Variants in CASK observed in about 807,000 individuals in gnomAD.
CASK encodes the protein peripheral plasma membrane protein CASK.
In CASK, 4 loss-of-function variants were observed where a neutral mutation model predicts 82.9. That is an observed-to-expected ratio of 0.05 (90% CI 0.02 to 0.11). The LOEUF (loss-of-function observed/expected upper bound fraction) is 0.11. Among genes scored for constraint, CASK ranks in the 10% least tolerant of loss-of-function variants. The pLI, the probability that CASK is intolerant of heterozygous loss-of-function variation, is 1.00. For synonymous variants in CASK, 259 were observed against 253.5 expected (o/e 1.02, Z -0.20); for missense variants, 358 against 720.9 (o/e 0.50, Z 5.76).
intron 2 of CASK, among the ~76,000 whole-genome samples, chrX:41,834,389 G>A (rs1021819751): frequency 1.8e-5 from 2 of 111,998 alleles, no homozygotes; most frequent in African/African-American, 3.3e-5. Context: ...TCAACTTTAC[G>A]AAGAGTATAT....
intron 14 of CASK, chrX:41,585,540 T>C (rs1202272499): frequency 9.2e-6 from 1 of 108,572 alleles, no homozygotes; most frequent in East Asian, 3.0e-4. Context: ...GGTCAGGAGA[T>C]CAAGACTATC....
intron 1 of CASK, among the ~76,000 whole-genome samples, chrX:41,892,394 G>A (rs1383776846): frequency 9.1e-6 from 1 of 110,138 alleles, no homozygotes; most frequent in Admixed American, 9.7e-5. Context: ...GTGCAGTGGC[G>A]TGGTCTTGGC....
chrX:41,612,792 G>A (rs1224253204), intron 11 of CASK, among the ~76,000 whole-genome samples: 1 of 100,419 alleles, frequency 1.0e-5, no homozygotes, highest in Non-Finnish European at 2.0e-5. Flanking sequence ...CGCCCCGTCT[G>A]GAAGCTGAGG....
At chrX:41,834,955 T>C (rs1178512565) in intron 2 of CASK, among the ~76,000 whole-genome samples, 1 of 111,757 alleles carries the variant, frequency 8.9e-6, no homozygotes, top group Non-Finnish European at 1.9e-5. Context: ...AAATTCATCT[T>C]GTACCTAGTG....
At chrX:41,817,947 G>A (rs2070445804) in intron 2 of CASK, among the ~76,000 whole-genome samples, 1 of 111,034 alleles carries the variant, frequency 9.0e-6, no homozygotes, top group South Asian at 3.8e-4. Flanking sequence ...TAATATGTCA[G>A]TTCTCCCCCA....
chrX:41,787,406 C>T (rs970500568), intron 2 of CASK, 123 bp from the exon 3 acceptor site: 2 of 515,960 alleles, frequency 3.9e-6, no homozygotes, highest in African/African-American at 2.3e-5. Flanking sequence ...AGATGAAATC[C>T]CCCATTTAAA....
chrX:41,577,533 C>T (rs953403886), intron 15 of CASK, among the ~76,000 whole-genome samples: 1 of 111,812 alleles, frequency 8.9e-6, no homozygotes, highest in African/African-American at 3.2e-5. Context: ...CTTAACATGT[C>T]TTCCAACACT....
chrX:41,646,204 C>T (rs143820847), intron 8 of CASK, among the ~76,000 whole-genome samples: 247 of 110,932 alleles, frequency 2.2e-3, no homozygotes, highest in African/African-American at 7.8e-3. Context: ...ATAGGAGATA[C>T]CCCATACTTT....
chrX:41,643,832 G>C (rs1314999430), intron 8 of CASK, among the ~76,000 whole-genome samples: 1 of 111,859 alleles, frequency 8.9e-6, no homozygotes, highest in East Asian at 2.8e-4. Context: ...TGGTGAGAGA[G>C]GGCATTCCTG....
chrX:41,775,692 A>G (rs2069348658), intron 3 of CASK, among the ~76,000 whole-genome samples: 1 of 105,655 alleles, frequency 9.5e-6, no homozygotes, highest in African/African-American at 3.4e-5. Flanking sequence ...ACACCATGGA[A>G]TACTATGCAG....
intron 3 of CASK, among the ~76,000 whole-genome samples, chrX:41,780,623 T>A (rs780814908): frequency 9.8e-5 from 11 of 112,063 alleles, no homozygotes; most frequent in African/African-American, 3.2e-4. Flanking sequence ...CCATTTGTGA[T>A]TAAGTAGATA....
At chrX:41,701,866 T>C (rs951710069) in intron 5 of CASK, among the ~76,000 whole-genome samples, 6 of 112,410 alleles carry the variant, frequency 5.3e-5, no homozygotes, top group Admixed American at 4.7e-4. Context: ...CATGGCATTG[T>C]GATGTAAGCA....
chrX:41,734,305 A>G (rs1307106831), intron 5 of CASK, among the ~76,000 whole-genome samples: 1 of 111,868 alleles, frequency 8.9e-6, no homozygotes, highest in African/African-American at 3.3e-5. Flanking sequence ...GTCTCCCCAC[A>G]ACCTCATGAT....
intron 4 of CASK, among the ~76,000 whole-genome samples, chrX:41,740,064 G>A (rs2068567876): frequency 8.9e-6 from 1 of 111,966 alleles, no homozygotes; most frequent in Admixed American, 9.5e-5. Flanking sequence ...CAGCTGAGGA[G>A]CCCTCATGGA....
intron 26 of CASK, among the ~76,000 whole-genome samples, chrX:41,521,548 T>C (rs1303855619): frequency 8.9e-6 from 1 of 111,917 alleles, no homozygotes; most frequent in African/African-American, 3.2e-5. Flanking sequence ...CATGCAAGTA[T>C]AGCTTCTGCT....
chrX:41,564,838 A>G (rs1210723395), intron 16 of CASK, among the ~76,000 whole-genome samples: 1 of 111,613 alleles, frequency 9.0e-6, no homozygotes, highest in African/African-American at 3.3e-5. Flanking sequence ...TTGGAAGTAA[A>G]GCACTCCTCA....
At position 41,531,026 on chromosome X, in the gene CASK, A is replaced by G. The variant is rs1372580366; in HGVS notation, c.2501T>C (p.Ile834Thr). ...CATTACCTGAGGCTCCACGTCCAGT[A>G]TTGCAATCAGCCCCTGCTCGTGGAT... ...RKIHEQGLIAILDVEPQALKV... is the reference protein window; with the variant it reads ...RKIHEQGLIATLDVEPQALKV... The change falls in exon 25 of 27, where the codon ATA becomes ACA. Residue 834 changes from isoleucine to threonine, a missense_variant. Physicochemically the swap from Ile to Thr is moderately conservative, Grantham distance 89. Transcript: ENST00000378163. 4 of 1,210,591 alleles carry G rather than the reference A, an allele frequency of 3.3e-6. No individual in the cohort carries two copies. The East Asian group carries it at 1.2e-4, about 36-fold the overall frequency.
At chrX:41,829,257 G>A (rs111729574) in intron 2 of CASK, among the ~76,000 whole-genome samples, 435 of 110,842 alleles carry the variant, frequency 3.9e-3, no homozygotes, top group African/African-American at 0.013. Context: ...CAGCACCTCC[G>A]TAGCTCCCAT....
In CASK at chrX:41,811,882, C is replaced by A. The variant is rs1442271397; in HGVS notation, c.173-24599G>T. On this transcript the variant is annotated intron_variant, in intron 2 of 26. Coordinates refer to ENST00000378163, the MANE Select transcript of CASK (RefSeq NM_001367721.1). ...AGAAAAGAGAGAAGAATCAAATAGACGCAATAAAAAATGATAAAGGGGATA... is the reference window on the plus strand; with the variant it reads ...AGAAAAGAGAGAAGAATCAAATAGAAGCAATAAAAAATGATAAAGGGGATA... Among the ~76,000 whole-genome samples the A allele has an allele frequency of 2.7e-5, 3 of 111,132 alleles. No individual in the cohort carries two copies. In the South Asian group the frequency reaches 1.1e-3, roughly 41 times the overall value.
Sources: allele counts gnomAD v4.1 joint callset (sites outside exome capture counted in the v4.1 genomes callset), GRCh38; gene constraint gnomAD v4.1.1; transcripts MANE v1.5; gene names NCBI Gene and HGNC (gene_info 2026-07-23, HGNC 2026-07-21).